The following SLC5A4 variants were observed in gnomAD, a reference collection of about 807,000 sequenced individuals.
SLC5A4 encodes the protein probable glucose sensor protein SLC5A4.
A neutral mutation model predicts 70.3 loss-of-function variants in SLC5A4; 55 were observed. The ratio of observed to expected loss-of-function variants is 0.78; its 90% CI spans 0.63 to 0.98. SLC5A4 has a LOEUF of 0.98. SLC5A4 is among the 50% of genes least tolerant of loss of function. The pLI is 0.00. For synonymous variants in SLC5A4, 268 were observed against 305.7 expected, an observed-to-expected ratio of 0.88 and a Z score of 1.29; for missense variants, 735 against 839.2, an observed-to-expected ratio of 0.88 and a Z score of 1.53.
At position 32,224,322 on chromosome 22, in the gene SLC5A4, G is replaced by A; in HGVS notation, c.1610C>T (p.Ser537Phe). 1.2e-6 allele frequency: 2 copies of A among 1,613,982 alleles called. No homozygotes were observed. Among genetic ancestry groups the A allele is most frequent in the Non-Finnish European group, 1.7e-6 (2 of 1,179,964 alleles). The change falls in exon 13 of 15, where the codon TCC becomes TTC. Residue 537 changes from serine (S) to phenylalanine (F), a missense_variant. Ser to Phe is a radical substitution (Grantham distance 155). Transcript: ENST00000266086. ...GGAAATTCCCAGGGTGACCAGCATG[G>A]ACCCAAAAAAGAGAACGATGGAAAA... ...LYFSIVLFFG[S>F]MLVTLGISLL...
At chr22:32,305,741 T>C in the SLC5A4 span, among the ~76,000 whole-genome samples, 2 of 151,200 alleles carry the variant, frequency 1.3e-5, no homozygotes, top group African/African-American at 4.9e-5. Flanking sequence ...GTGGTTACTC[T>C]GTCCCCTTGC....
chr22:32,236,852 G>A (rs1239392504), intron 7 of SLC5A4, among the ~76,000 whole-genome samples: 4 of 151,812 alleles, frequency 2.6e-5, no homozygotes, highest in Admixed American at 6.6e-5. Flanking sequence ...CTACAAGCGC[G>A]CGCCACCACG....
At chr22:32,276,128 A>G in the SLC5A4 span, among the ~76,000 whole-genome samples, 174 of 152,322 alleles carry the variant, frequency 1.1e-3, 3 homozygotes, top group Admixed American at 8.0e-3. Flanking sequence ...AGTTCTATAA[A>G]TAGTATTACA....
chr22:32,235,717 T>A (rs1175833194), intron 7 of SLC5A4, among the ~76,000 whole-genome samples: 1 of 151,310 alleles, frequency 6.6e-6, no homozygotes, highest in Non-Finnish European at 1.5e-5. Context: ...CAGAAGAGAA[T>A]TGTGATTGCC....
chr22:32,253,391 T>C (rs1927285547), intron 2 of SLC5A4, among the ~76,000 whole-genome samples: 1 of 152,092 alleles, frequency 6.6e-6, no homozygotes, highest in South Asian at 2.1e-4. Flanking sequence ...AATAACTGCA[T>C]GGGACATAGG....
chr22:32,309,159 G>GA, the SLC5A4 span, among the ~76,000 whole-genome samples: 1 of 134,310 alleles, frequency 7.4e-6, no homozygotes, highest in Non-Finnish European at 1.8e-5. Context: ...GCTAACATGA[G>GA]GGCAGCGAGC....
At chr22:32,258,324 C>G (rs1927590814), upstream of SLC5A4, among the ~76,000 whole-genome samples, 1 of 152,088 alleles carries the variant, frequency 6.6e-6, no homozygotes, top group African/African-American at 2.4e-5. Flanking sequence ...ACTTCCAATG[C>G]TATGTTGAAT....
At chr22:32,247,356 TG>T in intron 5 of SLC5A4, 54 bp downstream of exon 5, 1 of 998,542 alleles carries the variant, frequency 1.0e-6, no homozygotes, top group Non-Finnish European at 1.6e-6. Flanking sequence ...ATTAGCACTC[TG>T]GCCCCATCTG....
At chr22:32,343,584 CTGTTAG>C in the SLC5A4 span, among the ~76,000 whole-genome samples, 1 of 152,212 alleles carries the variant, frequency 6.6e-6, no homozygotes, top group Non-Finnish European at 1.5e-5. Flanking sequence ...CTCTTAGCTA[CTGTTAG>C]TTAGATTTTC....
At chr22:32,333,801 A>T in the SLC5A4 span, among the ~76,000 whole-genome samples, 573 of 150,822 alleles carry the variant, frequency 3.8e-3, 3 homozygotes, top group African/African-American at 0.013. Context: ...TGCCACACAG[A>T]TCCACACAAT....
At chr22:32,232,877 A>G in intron 9 of SLC5A4, 22 bp downstream of exon 9, 1 of 1,597,516 alleles carries the variant, frequency 6.3e-7, no homozygotes, top group Non-Finnish European at 8.5e-7. Context: ...AAAAAGAGAG[A>G]ACATACGGAT....
chr22:32,270,213 C>A, the SLC5A4 span: 2 of 673,594 alleles, frequency 3.0e-6, no homozygotes, highest in East Asian at 2.9e-5. Context: ...GTGACAGCAT[C>A]CTTAACATTG....
the SLC5A4 span, among the ~76,000 whole-genome samples, chr22:32,340,411 G>A: frequency 0.086 from 13,060 of 152,228 alleles, 755 homozygotes; most frequent in African/African-American, 0.15. Flanking sequence ...CTATATGCTG[G>A]GGTCACAGCT....
At chr22:32,305,826 G>T in the SLC5A4 span, among the ~76,000 whole-genome samples, 1 of 151,560 alleles carries the variant, frequency 6.6e-6, no homozygotes, top group Non-Finnish European at 1.5e-5. Context: ...TGCAGTGATT[G>T]GCCCTGTCCC....
At chr22:32,234,757 G>T in intron 8 of SLC5A4, 116 bp downstream of exon 8, 1 of 814,944 alleles carries the variant, frequency 1.2e-6, no homozygotes, top group Non-Finnish European at 2.0e-6. Context: ...AACGATGTGT[G>T]TGCAAAATGG....
chr22:32,312,592 G>C, the SLC5A4 span, among the ~76,000 whole-genome samples: 7 of 151,988 alleles, frequency 4.6e-5, no homozygotes, highest in Non-Finnish European at 8.8e-5. Context: ...CAGGACTATC[G>C]CTTGTGGACA....
chr22:32,235,049 C>A lies in SLC5A4; in HGVS notation c.709G>T (p.Val237Leu), dbSNP rs761620548. 1.2e-6 allele frequency: 2 copies of A among 1,613,738 alleles called. No homozygotes were observed. Among genetic ancestry groups the A allele is most frequent in the African/African-American group, 1.3e-5 (1 of 74,788 alleles). Residue 237 changes from valine (V) to leucine (L), a missense_variant, in exon 8 of 15, where the codon GTG (valine) becomes TTG (leucine). Physicochemically the swap from Val to Leu is conservative, Grantham distance 32 (BLOSUM62 1). Transcript: ENST00000266086. ...GGYESFTEKY[V>L]NATPSVVEGD... Reference sequence around the variant, plus strand: ...TCGACTACGGATGGGGTGGCATTCACGTACTTCTCGGTAAAGCTCTCATAA... The same window carrying A: ...TCGACTACGGATGGGGTGGCATTCAAGTACTTCTCGGTAAAGCTCTCATAA...
chr22:32,298,186 T>C, the SLC5A4 span, among the ~76,000 whole-genome samples: 1 of 147,048 alleles, frequency 6.8e-6, no homozygotes, highest in Non-Finnish European at 1.5e-5. Context: ...GGTGCAGAGC[T>C]GAGTTCAATT....
the SLC5A4 span, among the ~76,000 whole-genome samples, chr22:32,315,794 TAAAAAAAAAA>T: frequency 3.1e-5 from 3 of 95,914 alleles, no homozygotes; most frequent in African/African-American, 1.1e-4. Flanking sequence ...CACACTTGCT[TAAAAAAAAAA>T]AAAAAAAAAA....
Sources: allele counts gnomAD v4.1 joint callset (sites outside exome capture counted in the v4.1 genomes callset), GRCh38; gene constraint gnomAD v4.1.1; transcripts MANE v1.5; gene names NCBI Gene and HGNC (gene_info 2026-07-23, HGNC 2026-07-21).